Variants in MAD1L1 observed in about 807,000 individuals in gnomAD.
The protein encoded by MAD1L1 is mitotic arrest deficient 1 like 1.
Under a neutral mutation model 96.9 loss-of-function variants are expected in MAD1L1, and 95 were observed. That is an observed-to-expected ratio of 0.98 (90% CI 0.83 to 1.16). The LOEUF (loss-of-function observed/expected upper bound fraction) is 1.16. Among genes scored for constraint, MAD1L1 ranks in the 50% most tolerant of loss-of-function variants. MAD1L1 has a pLI of 0.00. For synonymous variants in MAD1L1, 473 were observed against 396.6 expected (o/e 1.19, Z -2.29); for missense variants, 1,007 against 954.4 (o/e 1.06, Z -0.73).
At chr7:2,218,938 C>T (rs1406158448) in intron 6 of MAD1L1, among the ~76,000 whole-genome samples, 1 of 151,610 alleles carries the variant, frequency 6.6e-6, no homozygotes, top group Non-Finnish European at 1.5e-5. Context: ...CACATGCTTG[C>T]AGACCCAGTT....
intron 16 of MAD1L1, among the ~76,000 whole-genome samples, chr7:1,948,973 T>G (rs978895295): frequency 6.6e-6 from 1 of 152,188 alleles, no homozygotes; most frequent in Admixed American, 6.5e-5. Context: ...CAGGAGGGGC[T>G]GGGCCCGACA....
At chr7:2,077,219 T>C (rs1446596384) in intron 11 of MAD1L1, among the ~76,000 whole-genome samples, 1 of 152,080 alleles carries the variant, frequency 6.6e-6, no homozygotes, top group Non-Finnish European at 1.5e-5. Context: ...AGTGATGACG[T>C]CTGGCATGAA....
rs1030001382 is a variant in MAD1L1 at position 1,815,936 on chromosome 7, C to T, written c.*134G>A. 8 of 1,079,276 alleles carry T rather than the reference C, an allele frequency of 7.4e-6. No individual in the cohort carries two copies. Among genetic ancestry groups the T allele is most frequent in the Middle Eastern group, 2.3e-4 (1 of 4,304 alleles). 66.9% of individuals were successfully genotyped at this position (1,079,276 alleles called of 1,614,324 possible). ...GCAGGAAGCCCGACGTAGGTCCCAG[C>T]GTGTCTGTCAGTCATGCTGCTGCCC... On this transcript the variant is annotated 3_prime_UTR_variant, in exon 19 of 19. Transcript: ENST00000265854.
At chr7:2,109,814 G>A (rs1259264223) in intron 11 of MAD1L1, among the ~76,000 whole-genome samples, 6 of 152,226 alleles carry the variant, frequency 3.9e-5, no homozygotes, top group African/African-American at 1.4e-4. Context: ...TGCTAAATAT[G>A]TAATTTAGGA....
At chr7:2,116,231 G>T (rs904874210) in intron 11 of MAD1L1, among the ~76,000 whole-genome samples, 7 of 152,246 alleles carry the variant, frequency 4.6e-5, no homozygotes, top group African/African-American at 1.4e-4. Context: ...CAGGCCCAGG[G>T]AGCGGAGTGC....
intron 17 of MAD1L1, among the ~76,000 whole-genome samples, chr7:1,926,437 C>T (rs1477500245): frequency 6.6e-6 from 1 of 152,208 alleles, no homozygotes; most frequent in African/African-American, 2.4e-5. Flanking sequence ...AAGAAAGCTA[C>T]AGACCAATAT....
intron 11 of MAD1L1, among the ~76,000 whole-genome samples, chr7:2,076,397 G>C (rs1466184715): frequency 1.3e-5 from 2 of 152,212 alleles, no homozygotes; most frequent in African/African-American, 4.8e-5. Context: ...GACAGGGGCT[G>C]GTCATCTGCA....
At chr7:2,156,371 C>G (rs1472777873) in intron 10 of MAD1L1, among the ~76,000 whole-genome samples, 1 of 152,196 alleles carries the variant, frequency 6.6e-6, no homozygotes, top group African/African-American at 2.4e-5. Context: ...GGACCACCTG[C>G]ACCAGAGTCA....
rs552464079 is a variant in MAD1L1 at position 1,967,765 on chromosome 7, G to A, written c.1506-10046C>T. Among the ~76,000 whole-genome samples the A allele has an allele frequency of 1.2e-4, 19 of 152,362 alleles. 1 individual carries two copies. Among genetic ancestry groups the A allele is most frequent in the African/African-American group, 4.1e-4 (17 of 41,584 alleles). ...GGGGCACAGCAGGGCGCGGCCGGCC[G>A]CGGGGAGATCACGCAGCGAAACAAG... On this transcript the variant is annotated intron_variant, in intron 15 of 18. Transcript: ENST00000265854.
chr7:1,837,286 T>C (rs1225107442), intron 18 of MAD1L1, among the ~76,000 whole-genome samples: 1 of 152,148 alleles, frequency 6.6e-6, no homozygotes, highest in African/African-American at 2.4e-5. Context: ...AGGACTGAAA[T>C]TAAAAAGACT....
intron 11 of MAD1L1, among the ~76,000 whole-genome samples, chr7:2,140,227 T>C (rs1285450888): frequency 2.0e-5 from 3 of 152,208 alleles, no homozygotes; most frequent in Admixed American, 2.0e-4. Context: ...CCCAGGCCAG[T>C]GTCCCAGAGG....
chr7:2,178,391 C>T (rs918771720), intron 10 of MAD1L1, among the ~76,000 whole-genome samples: 1 of 152,168 alleles, frequency 6.6e-6, no homozygotes, highest in African/African-American at 2.4e-5. Flanking sequence ...TTCAATAAAG[C>T]ATGACAAACT....
In MAD1L1 at chr7:2,096,001, G is replaced by T. The variant is rs144224777; in HGVS notation, c.1074-26663C>A. On this transcript the variant is annotated intron_variant, in intron 11 of 18. Coordinates refer to ENST00000265854, the MANE Select transcript of MAD1L1 (RefSeq NM_001013836.2). The stretch of plus-strand genomic sequence containing the variant: ...GAGACGGGGTCCCTCATGAGCCTCA[G>T]GGTCGTTAGAATCGGGCTCCCCCAG... Among the ~76,000 whole-genome samples the T allele has an allele frequency of 6.9e-3, 1,057 of 152,354 alleles. 14 individuals are homozygous for T. Among genetic ancestry groups the T allele is most frequent in the African/African-American group, 0.024 (1,005 of 41,580 alleles).
intron 12 of MAD1L1, among the ~76,000 whole-genome samples, chr7:2,041,362 C>T (rs564162372): frequency 4.0e-5 from 6 of 150,136 alleles, no homozygotes; most frequent in African/African-American, 1.2e-4. Context: ...GGCCTGTCTC[C>T]TAGTCTGGGG....
intron 14 of MAD1L1, among the ~76,000 whole-genome samples, chr7:1,982,101 G>C (rs1440722908): frequency 6.6e-6 from 1 of 152,012 alleles, no homozygotes; most frequent in African/African-American, 2.4e-5. Context: ...ACATGTCTAT[G>C]TTCTTCCTCC....
chr7:2,149,168 T>C lies in MAD1L1; in HGVS notation c.1057A>G (p.Ser353Gly), dbSNP rs1789450257. 1 of 1,614,120 alleles carries C rather than the reference T, an allele frequency of 6.2e-7. No individual in the cohort carries two copies. The highest frequency in any genetic ancestry group is 8.5e-7 in the Non-Finnish European group (1 of 1,180,020). ...CAGGTCTACCTGCTGGTGACGGCGCTGTTCTTGTCCTTCAAGGCAAGCTCC... is the reference window on the plus strand; with the variant it reads ...CAGGTCTACCTGCTGGTGACGGCGCCGTTCTTGTCCTTCAAGGCAAGCTCC... ...QRELALKDKN[S>G]AVTSSARGLE... is the part of the protein sequence containing the mutation. Residue 353 changes from serine to glycine, a missense_variant, in exon 11 of 19, where the codon AGC becomes GGC. Physicochemically the swap from Ser to Gly is moderately conservative, Grantham distance 56. Coordinates refer to ENST00000265854, the MANE Select transcript of MAD1L1 (RefSeq NM_001013836.2).
At chr7:2,132,531 AT>A (rs1226732135) in intron 11 of MAD1L1, among the ~76,000 whole-genome samples, 1 of 152,102 alleles carries the variant, frequency 6.6e-6, no homozygotes, top group Non-Finnish European at 1.5e-5. Flanking sequence ...TTCCCCAAAA[AT>A]CCTCTGGGTC....
At chr7:1,972,912 G>T (rs760057484) in intron 15 of MAD1L1, among the ~76,000 whole-genome samples, 1 of 152,140 alleles carries the variant, frequency 6.6e-6, no homozygotes, top group Non-Finnish European at 1.5e-5. Context: ...TCCCCCACAC[G>T]GGCAATGCAG....
At chr7:1,877,503 A>G (rs569296023) in intron 18 of MAD1L1, among the ~76,000 whole-genome samples, 39 of 152,046 alleles carry the variant, frequency 2.6e-4, no homozygotes, top group Admixed American at 2.4e-3. Flanking sequence ...GAAAAAAAGA[A>G]TATACGAGAC....
Sources: gnomAD v4.1 joint callset for allele counts (sites outside exome capture counted in the v4.1 genomes callset) on GRCh38, gnomAD v4.1.1 for gene constraint, MANE v1.5 for transcripts, NCBI Gene and HGNC (gene_info 2026-07-23, HGNC 2026-07-21) for gene names.